The following APBB2 variants were observed in gnomAD, a reference collection of about 807,000 sequenced individuals.
APBB2 encodes Fe65-like 1.
A neutral mutation model predicts 82.5 loss-of-function variants in APBB2; 38 were observed. That is an observed-to-expected ratio of 0.46 (90% CI 0.36 to 0.60). APBB2 has a LOEUF of 0.60. Ranked by LOEUF, APBB2 falls within the 20% of genes least tolerant of loss-of-function variation. APBB2 has a pLI of 0.00. For missense variants in APBB2, 772 were observed against 972.3 expected (o/e 0.79, Z 2.74); for synonymous variants, 341 against 368.2 (o/e 0.93, Z 0.85).
At chr4:41,049,654 C>T (rs902651342) in intron 4 of APBB2, among the ~76,000 whole-genome samples, 34 of 152,272 alleles carry the variant, frequency 2.2e-4, no homozygotes, top group African/African-American at 6.0e-4. Flanking sequence ...TCATTGAGAA[C>T]GGGCCATGAT....
intron 7 of APBB2, among the ~76,000 whole-genome samples, chr4:40,942,387 T>C (rs1469213693): frequency 1.3e-5 from 2 of 152,108 alleles, no homozygotes; most frequent in Non-Finnish European, 2.9e-5. Context: ...TGATAGAAGG[T>C]GGAGATTCTC....
At chr4:40,881,392 G>C in intron 12 of APBB2, 1 of 984,572 alleles carries the variant, frequency 1.0e-6, no homozygotes, top group African/African-American at 1.8e-5. Flanking sequence ...ACTTCTTCCA[G>C]ACTGAGACCC....
intron 10 of APBB2, among the ~76,000 whole-genome samples, chr4:40,930,888 C>T (rs1017853614): frequency 6.6e-6 from 1 of 152,108 alleles, no homozygotes; most frequent in African/African-American, 2.4e-5. Flanking sequence ...CCTGGGACTA[C>T]AGGCGCCCAC....
intron 12 of APBB2, among the ~76,000 whole-genome samples, chr4:40,851,483 CAA>C (rs1759334561): frequency 6.6e-6 from 1 of 152,104 alleles, no homozygotes; most frequent in African/African-American, 2.4e-5. Flanking sequence ...GGTAACCTGG[CAA>C]ACAGATGCAT....
chr4:41,104,190 T>C (rs1181495824), intron 2 of APBB2, among the ~76,000 whole-genome samples: 4 of 152,204 alleles, frequency 2.6e-5, no homozygotes, highest in African/African-American at 9.6e-5. Context: ...GAGTTTTAAA[T>C]AGCAAGTAAG....
intron 12 of APBB2, among the ~76,000 whole-genome samples, chr4:40,872,181 G>C (rs746387042): frequency 2.0e-5 from 3 of 152,210 alleles, no homozygotes; most frequent in Non-Finnish European, 4.4e-5. Context: ...TTGTAGTCTA[G>C]ATTGTGACTT....
At chr4:41,151,278 G>T (rs923428107) in intron 1 of APBB2, among the ~76,000 whole-genome samples, 6 of 152,044 alleles carry the variant, frequency 3.9e-5, no homozygotes, top group African/African-American at 9.7e-5. Context: ...CTTCCCTTCC[G>T]CTGCTCTACA....
chr4:40,842,289 G>A (rs1262562129), intron 12 of APBB2: 35 of 421,196 alleles, frequency 8.3e-5, no homozygotes, highest in South Asian at 3.7e-4. Context: ...GGATGGCAAT[G>A]CGACATGAAG....
intron 5 of APBB2, among the ~76,000 whole-genome samples, chr4:41,016,576 G>A (rs749264656): frequency 9.2e-5 from 14 of 152,012 alleles, no homozygotes; most frequent in South Asian, 2.1e-4. Flanking sequence ...GCTTGAACTC[G>A]GGAGGTAGAG....
intron 12 of APBB2, among the ~76,000 whole-genome samples, chr4:40,862,511 C>T (rs976657096): frequency 2.6e-5 from 4 of 152,180 alleles, no homozygotes; most frequent in African/African-American, 9.6e-5. Context: ...CAAAGCAGCA[C>T]CCAGGTTAGT....
intron 12 of APBB2, among the ~76,000 whole-genome samples, chr4:40,863,971 C>A (rs1402609675): frequency 6.7e-6 from 1 of 148,988 alleles, no homozygotes. Flanking sequence ...TTTAAAGCAC[C>A]ATGTAGGCTG....
chr4:41,031,514 T>C (rs1716803767), intron 5 of APBB2, among the ~76,000 whole-genome samples: 3 of 152,032 alleles, frequency 2.0e-5, no homozygotes, highest in Non-Finnish European at 2.9e-5. Context: ...CCAGGCTAGA[T>C]AACTGTTCCA....
Position 40,848,872 on chromosome 4 carries a change from C to T in APBB2, c.1530-18295G>A, listed in dbSNP as rs944128882. The stretch of plus-strand genomic sequence containing the variant: ...TGATCATCACTGCCTCCAAAAGAAC[C>T]CTGAGGATCCCCCAGTCATTGTCAA... On this transcript the variant is annotated intron_variant, in intron 12 of 17. Coordinates refer to ENST00000508593, the MANE Select transcript of APBB2 (RefSeq NM_004307.2). The T allele has an allele frequency of 4.1e-6, 4 of 985,192 alleles. No homozygotes were observed. The East Asian group carries it at 4.5e-4, about 112-fold the overall frequency. 61.0% of individuals were successfully genotyped at this position (985,192 alleles called of 1,614,324 possible). A position where few individuals can be genotyped will look rare whatever the true frequency, so the allele number is the denominator to read the frequency against.
chr4:40,851,740 T>TATATATATATATATATATATATA (rs1560700519), intron 12 of APBB2, among the ~76,000 whole-genome samples: 2 of 39,914 alleles, frequency 5.0e-5, no homozygotes, highest in African/African-American at 1.7e-4. Flanking sequence ...ATATATATAT[T>TATATATATATATATATATATATA]TTTTTTTTTT....
chr4:41,116,755 G>A (rs1751110714), intron 2 of APBB2, among the ~76,000 whole-genome samples: 1 of 152,116 alleles, frequency 6.6e-6, no homozygotes, highest in Non-Finnish European at 1.5e-5. Flanking sequence ...GGTTATATGG[G>A]TGTTCATTGT....
intron 12 of APBB2, among the ~76,000 whole-genome samples, chr4:40,869,019 C>T (rs1764746780): frequency 6.6e-6 from 1 of 152,114 alleles, no homozygotes; most frequent in Non-Finnish European, 1.5e-5. Flanking sequence ...TGTCCCCACA[C>T]CACCTTTCTA....
intron 6 of APBB2, among the ~76,000 whole-genome samples, chr4:40,972,409 C>T (rs1796150182): frequency 7.3e-6 from 1 of 137,596 alleles, no homozygotes; most frequent in African/African-American, 2.8e-5. Flanking sequence ...GCCTGGGTGA[C>T]AGAGCGAGAC....
At position 41,110,198 on chromosome 4, in the gene APBB2, C is replaced by T. The variant is rs149218093; in HGVS notation, c.-260-9448G>A. 2.6e-3 allele frequency among the ~76,000 whole-genome samples: 401 copies of T among 152,336 alleles called. 2 individuals are homozygous for T. Among genetic ancestry groups the T allele is most frequent in the African/African-American group, 9.0e-3 (376 of 41,574 alleles). ...GCACATGCAAGCCGGAATGCAAGGC[C>T]CGTGGCTGCCACACATGTGCCTGGC... On this transcript the variant is annotated intron_variant, in intron 2 of 17. Transcript: ENST00000508593.
intron 2 of APBB2, among the ~76,000 whole-genome samples, chr4:41,128,050 G>C (rs183571427): frequency 2.6e-5 from 4 of 151,696 alleles, no homozygotes; most frequent in East Asian, 1.9e-4. Context: ...ACTGCACTCC[G>C]GCCTGGGTAA....
Sources: allele counts gnomAD v4.1 joint callset (sites outside exome capture counted in the v4.1 genomes callset), GRCh38; gene constraint gnomAD v4.1.1; transcripts MANE v1.5; gene names NCBI Gene and HGNC (gene_info 2026-07-23, HGNC 2026-07-21).